QTMAN: variants seen among roughly 807,000 people sequenced by gnomAD.
The protein encoded by QTMAN is tRNA-queuosine alpha-mannosyltransferase.
chr2:144,201,404 G>T, the QTMAN span, among the ~76,000 whole-genome samples: 2 of 152,200 alleles, frequency 1.3e-5, no homozygotes, highest in Admixed American at 1.3e-4. Context: ...GAAGACAGGG[G>T]AGGAGATGAT....
the QTMAN span, among the ~76,000 whole-genome samples, chr2:144,131,086 C>T: frequency 3.3e-5 from 5 of 151,906 alleles, no homozygotes; most frequent in East Asian, 9.7e-4. Flanking sequence ...ATAATTTGAG[C>T]AGTATCAAGT....
chr2:144,247,581 T>C, the QTMAN span, among the ~76,000 whole-genome samples: 4 of 152,158 alleles, frequency 2.6e-5, no homozygotes, highest in South Asian at 2.1e-4. Context: ...ACTCAAAAGA[T>C]AGCAATGTGT....
At chr2:143,971,115 C>CT in the QTMAN span, among the ~76,000 whole-genome samples, 13,038 of 144,248 alleles carry the variant, frequency 0.09, 722 homozygotes, top group East Asian at 0.16. Flanking sequence ...TAAAAATAAA[C>CT]TTTTTTTTTT....
At chr2:144,315,761 A>G in the QTMAN span, among the ~76,000 whole-genome samples, 1 of 152,124 alleles carries the variant, frequency 6.6e-6, no homozygotes, top group African/African-American at 2.4e-5. Context: ...TGTATTTTCA[A>G]ACAATTAGAA....
the QTMAN span, among the ~76,000 whole-genome samples, chr2:144,315,425 C>G: frequency 6.6e-6 from 1 of 152,198 alleles, no homozygotes. Flanking sequence ...TGGGAACAAT[C>G]AGCATGTCTT....
At chr2:144,111,231 G>GGTA in the QTMAN span, among the ~76,000 whole-genome samples, 1 of 152,102 alleles carries the variant, frequency 6.6e-6, no homozygotes, top group African/African-American at 2.4e-5. Context: ...AAGGTAAGAA[G>GGTA]GTAGGCTTTG....
the QTMAN span, among the ~76,000 whole-genome samples, chr2:144,200,198 G>A: frequency 6.6e-6 from 1 of 152,122 alleles, no homozygotes; most frequent in Non-Finnish European, 1.5e-5. Context: ...TGACCAAAAT[G>A]AAGAATGTCT....
At chr2:144,063,413 T>C in the QTMAN span, among the ~76,000 whole-genome samples, 1 of 152,228 alleles carries the variant, frequency 6.6e-6, no homozygotes, top group Non-Finnish European at 1.5e-5. Flanking sequence ...TTCATGGTCT[T>C]TGTGTTTTTA....
the QTMAN span, among the ~76,000 whole-genome samples, chr2:144,028,932 G>C: frequency 6.6e-6 from 1 of 152,316 alleles, no homozygotes; most frequent in Non-Finnish European, 1.5e-5. Flanking sequence ...ACTGGGAGGG[G>C]ATTTGTAGGG....
chr2:144,191,639 T>C, the QTMAN span, among the ~76,000 whole-genome samples: 18 of 152,184 alleles, frequency 1.2e-4, no homozygotes, highest in African/African-American at 3.9e-4. Flanking sequence ...CACTAAGAAT[T>C]AGACCCTGAG....
At chr2:143,954,289 A>G in the QTMAN span, among the ~76,000 whole-genome samples, 3 of 152,054 alleles carry the variant, frequency 2.0e-5, no homozygotes, top group African/African-American at 7.2e-5. Flanking sequence ...GCCAATCGAA[A>G]AGCAAATACA....
At chr2:144,105,178 A>C in the QTMAN span, among the ~76,000 whole-genome samples, 3 of 152,216 alleles carry the variant, frequency 2.0e-5, no homozygotes, top group African/African-American at 7.2e-5. Flanking sequence ...AAAAGCTGAA[A>C]ATTCTAAAAA....
the QTMAN span, among the ~76,000 whole-genome samples, chr2:144,059,378 A>G: frequency 6.6e-6 from 1 of 152,188 alleles, no homozygotes; most frequent in Non-Finnish European, 1.5e-5. Context: ...GCAAACACAG[A>G]CTAATCATTA....
the QTMAN span, among the ~76,000 whole-genome samples, chr2:144,061,236 C>A: frequency 1.2e-3 from 184 of 152,112 alleles, 1 homozygote; most frequent in East Asian, 0.021. Flanking sequence ...TTTATTTTGT[C>A]CAGGAACTCT....
the QTMAN span, among the ~76,000 whole-genome samples, chr2:144,164,716 G>A: frequency 6.6e-6 from 1 of 152,110 alleles, no homozygotes; most frequent in African/African-American, 2.4e-5. Flanking sequence ...AGTGCAGTGT[G>A]CAATGATCCA....
chr2:144,182,614 A>G, the QTMAN span, among the ~76,000 whole-genome samples: 1 of 132,536 alleles, frequency 7.5e-6, no homozygotes, highest in Non-Finnish European at 1.6e-5. Context: ...ATTGCACTCC[A>G]GGCTGGACAA....
the QTMAN span, among the ~76,000 whole-genome samples, chr2:144,275,919 G>C: frequency 1.3e-5 from 2 of 151,920 alleles, no homozygotes; most frequent in African/African-American, 2.4e-5. Context: ...AAGAACTCTC[G>C]CTAACTATAA....
chr2:144,034,394 G>C, the QTMAN span, among the ~76,000 whole-genome samples: 1 of 152,182 alleles, frequency 6.6e-6, no homozygotes, highest in African/African-American at 2.4e-5. Flanking sequence ...TTATGCCATA[G>C]GGATGATTCT....
the QTMAN span, among the ~76,000 whole-genome samples, chr2:144,013,385 G>A: frequency 2.0e-5 from 3 of 152,112 alleles, no homozygotes; most frequent in African/African-American, 7.2e-5. Flanking sequence ...GCCCTAGGAG[G>A]TGCACAGCCA....
Sources: gnomAD v4.1 joint callset for allele counts (sites outside exome capture counted in the v4.1 genomes callset) on GRCh38, gnomAD v4.1.1 for gene constraint, MANE v1.5 for transcripts, NCBI Gene and HGNC (gene_info 2026-07-23, HGNC 2026-07-21) for gene names.